The following PIK3AP1 variants were observed in gnomAD, a reference collection of about 807,000 sequenced individuals.
The protein encoded by PIK3AP1 is phosphoinositide-3-kinase adaptor protein 1, also known as phosphoinositide 3-kinase adapter protein 1.
Under a neutral mutation model 88.1 loss-of-function variants are expected in PIK3AP1, and 21 were observed. The observed-to-expected ratio is 0.24, with a 90% CI of 0.17 to 0.34. The LOEUF is 0.34. Ranked by LOEUF, PIK3AP1 falls within the 10% of genes least tolerant of loss-of-function variation. The probability of loss-of-function intolerance (pLI) is 1.00; values close to 1 mark genes in which losing one functional copy is unlikely to be tolerated. For synonymous variants in PIK3AP1, 398 were observed against 400.0 expected (o/e 1.00, Z 0.06); for missense variants, 828 against 1,035.7 (o/e 0.80, Z 2.75).
chr10:96,667,231 T>C (rs940858950), intron 2 of PIK3AP1, among the ~76,000 whole-genome samples: 3 of 152,342 alleles, frequency 2.0e-5, no homozygotes, highest in Middle Eastern at 3.4e-3. Flanking sequence ...TCACTGCCTC[T>C]TTTCACTATA....
At chr10:96,716,572 T>C (rs1259894373) in intron 1 of PIK3AP1, among the ~76,000 whole-genome samples, 1 of 152,186 alleles carries the variant, frequency 6.6e-6, no homozygotes, top group Non-Finnish European at 1.5e-5. Flanking sequence ...AAGTCCAAAG[T>C]GAAAGTTCCA....
At chr10:96,719,697 C>T (rs189917381) in intron 1 of PIK3AP1, among the ~76,000 whole-genome samples, 1 of 152,198 alleles carries the variant, frequency 6.6e-6, no homozygotes, top group East Asian at 1.9e-4. Flanking sequence ...GTGTGTACAC[C>T]CATGAACCAG....
intron 2 of PIK3AP1, among the ~76,000 whole-genome samples, chr10:96,660,561 C>T (rs1321836508): frequency 2.0e-5 from 3 of 152,194 alleles, no homozygotes; most frequent in Non-Finnish European, 4.4e-5. Context: ...GCATCCTTTG[C>T]TGGCAGGAAT....
At chr10:96,610,403 C>G (rs891053119) in intron 13 of PIK3AP1, among the ~76,000 whole-genome samples, 1 of 152,158 alleles carries the variant, frequency 6.6e-6, no homozygotes, top group Non-Finnish European at 1.5e-5. Context: ...AACTAAGGTA[C>G]AAAGAAGTGA....
chr10:96,649,105 G>A (rs890828688), intron 6 of PIK3AP1, among the ~76,000 whole-genome samples: 2 of 152,138 alleles, frequency 1.3e-5, no homozygotes, highest in African/African-American at 4.8e-5. Flanking sequence ...GGAGTGCAGT[G>A]GCGCGATCTT....
intron 2 of PIK3AP1, among the ~76,000 whole-genome samples, chr10:96,657,978 A>C (rs1265860091): frequency 6.7e-6 from 1 of 149,816 alleles, no homozygotes; most frequent in Non-Finnish European, 1.5e-5. Flanking sequence ...CAGGAGAATC[A>C]CTTGAACCTG....
chr10:96,606,924 C>T (rs898135671), intron 14 of PIK3AP1, among the ~76,000 whole-genome samples: 2 of 152,118 alleles, frequency 1.3e-5, no homozygotes, highest in African/African-American at 2.4e-5. Context: ...TTGAAACTAG[C>T]GTCTGTTTTA....
At chr10:96,657,554 G>C (rs1490698724) in intron 2 of PIK3AP1, among the ~76,000 whole-genome samples, 1 of 152,174 alleles carries the variant, frequency 6.6e-6, no homozygotes, top group African/African-American at 2.4e-5. Flanking sequence ...TGTGGTATTG[G>C]CACAGAATGA....
rs1055515056 is a variant in PIK3AP1, at chr10:96,609,815, C to T, written c.2067G>A (p.Val689=). The T allele has an allele frequency of 1.6e-5, 26 of 1,614,034 alleles. No individual in the cohort carries two copies. The highest frequency in any genetic ancestry group is 2.7e-5 in the African/African-American group (2 of 74,920). ...IRHSQHLPAK[V]EFGVYESGPR... is the part of the protein sequence containing the mutation. ...GGCCACTCTCATAGACTCCAAACTCCACTTTTGCAGGCAGGTGCTGTGAGT... is the reference window on the plus strand; with the variant it reads ...GGCCACTCTCATAGACTCCAAACTCTACTTTTGCAGGCAGGTGCTGTGAGT... The change falls in exon 14 of 17, where the codon GTG becomes GTA. Residue 689 remains valine (V), a synonymous_variant. Transcript: ENST00000339364.
intron 2 of PIK3AP1, among the ~76,000 whole-genome samples, chr10:96,694,859 A>G (rs1471114456): frequency 1.3e-5 from 2 of 151,976 alleles, no homozygotes; most frequent in Non-Finnish European, 2.9e-5. Context: ...TGTTGACTCA[A>G]TGGCTTCTTG....
At chr10:96,600,543 C>G (rs1220830386) in intron 16 of PIK3AP1, among the ~76,000 whole-genome samples, 1 of 152,140 alleles carries the variant, frequency 6.6e-6, no homozygotes, top group Non-Finnish European at 1.5e-5. Flanking sequence ...TGTGGCACAG[C>G]CTGGGCCTGG....
chr10:96,608,797 C>T (rs1216328649), intron 14 of PIK3AP1, among the ~76,000 whole-genome samples: 1 of 152,242 alleles, frequency 6.6e-6, no homozygotes, highest in Non-Finnish European at 1.5e-5. Context: ...AACCTTCCTG[C>T]TCCAACATGC....
At chr10:96,623,385 T>C in intron 11 of PIK3AP1, 87 bp downstream of exon 11, 3 of 1,287,494 alleles carry the variant, frequency 2.3e-6, no homozygotes, top group Non-Finnish European at 3.3e-6. Flanking sequence ...TTTTTCAATG[T>C]CAAGGAGCTA....
intron 2 of PIK3AP1, among the ~76,000 whole-genome samples, chr10:96,692,692 C>A (rs1248362362): frequency 6.6e-6 from 1 of 152,194 alleles, no homozygotes; most frequent in African/African-American, 2.4e-5. Context: ...TTGATTTAGT[C>A]CTTGTGGGGT....
rs142534892 is a variant in PIK3AP1, at chr10:96,677,352, C to T, written c.431-20418G>A. Among the ~76,000 whole-genome samples, 1,446 of 152,216 alleles carry T rather than the reference C, an allele frequency of 9.5e-3. 12 individuals are homozygous for T. Among genetic ancestry groups the T allele is most frequent in the Non-Finnish European group, 0.014 (984 of 68,008 alleles). On this transcript the variant is annotated intron_variant, in intron 2 of 16. Transcript: ENST00000339364. The stretch of plus-strand genomic sequence containing the variant: ...TCCAAATTCTTTAAGAAATGATACC[C>T]TGAAGTAAAACTTGGGCGTTCTCAC...
chr10:96,635,612 G>T (rs1455563506), intron 8 of PIK3AP1, among the ~76,000 whole-genome samples: 4 of 152,064 alleles, frequency 2.6e-5, no homozygotes, highest in African/African-American at 9.7e-5. Context: ...GCCAACTGGG[G>T]CCAGTATTTA....
chr10:96,602,854 C>G (rs1433064501), intron 15 of PIK3AP1, among the ~76,000 whole-genome samples: 1 of 152,196 alleles, frequency 6.6e-6, no homozygotes, highest in African/African-American at 2.4e-5. Flanking sequence ...GCAACTTACT[C>G]CCTGCTCGGA....
chr10:96,653,405 CAAAA>C (rs779735112), intron 3 of PIK3AP1, among the ~76,000 whole-genome samples: 1 of 67,418 alleles, frequency 1.5e-5, no homozygotes, highest in Non-Finnish European at 2.8e-5. Flanking sequence ...GGCTCTGTCT[CAAAA>C]AAAAAAAAAA....
intron 2 of PIK3AP1, among the ~76,000 whole-genome samples, chr10:96,699,423 A>C (rs1476416820): frequency 6.6e-6 from 1 of 152,260 alleles, no homozygotes; most frequent in African/African-American, 2.4e-5. Context: ...TATTTTAGAT[A>C]TATTATTACA....
Sources: allele counts gnomAD v4.1 joint callset (sites outside exome capture counted in the v4.1 genomes callset), GRCh38; gene constraint gnomAD v4.1.1; transcripts MANE v1.5; gene names NCBI Gene and HGNC (gene_info 2026-07-23, HGNC 2026-07-21).